Variants in PDXDC1 observed in about 807,000 individuals in gnomAD.
PDXDC1 encodes pyridoxal-dependent decarboxylase domain-containing protein 1.
In PDXDC1, 42 loss-of-function variants were observed where a neutral mutation model predicts 100.1. That is an observed-to-expected ratio of 0.42 (90% confidence interval 0.33 to 0.54). The LOEUF (loss-of-function observed/expected upper bound fraction) is 0.54. Among genes scored for constraint, PDXDC1 ranks in the 20% least tolerant of loss-of-function variants. PDXDC1 has a pLI of 0.10. For missense variants in PDXDC1, 636 were observed against 979.2 expected, an observed-to-expected ratio of 0.65 and a Z score of 4.68; for synonymous variants, 260 against 371.7, an observed-to-expected ratio of 0.70 and a Z score of 3.46.
At chr16:15,016,786 A>G (rs1318334267) in intron 9 of PDXDC1, among the ~76,000 whole-genome samples, 1 of 152,292 alleles carries the variant, frequency 6.6e-6, no homozygotes, top group African/African-American at 2.4e-5. Flanking sequence ...GGGCAGCCAG[A>G]GTAGCCCATA....
intron 14 of PDXDC1, among the ~76,000 whole-genome samples, chr16:15,028,396 C>CTA (rs1177829188): frequency 6.6e-6 from 1 of 152,296 alleles, no homozygotes; most frequent in Admixed American, 6.5e-5. Context: ...ACTTGTGACA[C>CTA]TAACAACCAC....
intron 21 of PDXDC1, among the ~76,000 whole-genome samples, chr16:15,034,769 T>G (rs2043298530): frequency 6.6e-6 from 1 of 152,042 alleles, no homozygotes; most frequent in African/African-American, 2.4e-5. Context: ...AGCTACCCAC[T>G]CTCCACAGCT....
intron 1 of PDXDC1, among the ~76,000 whole-genome samples, chr16:14,995,720 C>T (rs529291965): frequency 2.6e-5 from 4 of 152,398 alleles, no homozygotes; most frequent in African/African-American, 7.2e-5. Context: ...GGAATGGTAC[C>T]AGCTCCTCCT....
chr16:15,031,845 G>T lies in PDXDC1; in HGVS notation c.1510G>T (p.Glu504Ter), dbSNP rs2151638719. Residue 504 changes from glutamate to a stop codon, truncating the protein, a stop_gained, in exon 17 of 23, where the codon GAA becomes TAA. Coordinates refer to ENST00000396410, the MANE Select transcript of PDXDC1 (RefSeq NM_015027.4). LOFTEE classifies it high-confidence loss of function. Reference sequence around the variant, plus strand: ...GCGTGAAGAGTTCAAGCAGGAAGTGGAAGCAACAGCAGGTCTCCTATATGT... The same window carrying T: ...GCGTGAAGAGTTCAAGCAGGAAGTGTAAGCAACAGCAGGTCTCCTATATGT... ...QLREEFKQEV[E>*]ATAGLLYVDD... 1 of 1,614,058 alleles carries T rather than the reference G, an allele frequency of 6.2e-7. No individual in the cohort carries two copies. The highest frequency in any genetic ancestry group is 1.1e-5 in the South Asian group (1 of 91,066).
intron 1 of PDXDC1, chr16:14,990,006 C>T (rs1211413720): frequency 1.4e-6 from 2 of 1,476,596 alleles, no homozygotes; most frequent in African/African-American, 1.5e-5. Flanking sequence ...ACCCCAGGAC[C>T]AGGGAAGCAG....
rs2377164 is a variant in PDXDC1 at position 15,130,375 on chromosome 16, G to A, written c.1400-8504G>A. 4.4e-5 allele frequency: 69 copies of A among 1,573,124 alleles called. No homozygotes were observed. In the East Asian group the frequency reaches 5.7e-4, roughly 13 times the overall value. Reference sequence around the variant, plus strand: ...AAGTACTGGCACAGGGACGTGTACAGGCCCACGGACACCTCCAGCGCCGAC... The same window carrying A: ...AAGTACTGGCACAGGGACGTGTACAAGCCCACGGACACCTCCAGCGCCGAC... On this transcript the variant is annotated intron_variant, in intron 16 of 16. Transcript: ENST00000535621.
intron 8 of PDXDC1, among the ~76,000 whole-genome samples, chr16:15,012,567 A>G (rs1259116186): frequency 1.3e-5 from 2 of 152,272 alleles, no homozygotes; most frequent in African/African-American, 4.8e-5. Flanking sequence ...GAATGGAGAA[A>G]TTACAGGTGG....
the PDXDC1 span, among the ~76,000 whole-genome samples, chr16:15,150,488 A>C: frequency 6.6e-6 from 1 of 151,568 alleles, no homozygotes; most frequent in Non-Finnish European, 1.5e-5. Flanking sequence ...AACATGGTGA[A>C]ACCCCATCTC....
At chr16:15,042,584 A>C (rs957696761), downstream of PDXDC1, among the ~76,000 whole-genome samples, 2 of 152,154 alleles carry the variant, frequency 1.3e-5, no homozygotes, top group African/African-American at 4.8e-5. Context: ...CATAATTATT[A>C]TTCTGATGAC....
chr16:15,145,718 G>C, the PDXDC1 span, among the ~76,000 whole-genome samples: 1 of 152,264 alleles, frequency 6.6e-6, no homozygotes, highest in Admixed American at 6.5e-5. Flanking sequence ...TTCTGGGAAA[G>C]GGCGTGAGCT....
chr16:15,080,843 T>G (rs1021270102), intron 16 of PDXDC1, among the ~76,000 whole-genome samples: 1 of 151,036 alleles, frequency 6.6e-6, no homozygotes, highest in Non-Finnish European at 1.5e-5. Flanking sequence ...TGACATTTCA[T>G]ATAAATGGAG....
intron 16 of PDXDC1, among the ~76,000 whole-genome samples, chr16:15,101,254 T>C (rs563320717): frequency 6.6e-6 from 1 of 152,362 alleles, no homozygotes; most frequent in East Asian, 1.9e-4. Context: ...ATACTTGATG[T>C]GGTTACACTC....
intron 22 of PDXDC1, 34 bp from the exon 23 acceptor site, chr16:15,035,982 G>C (rs776209057): frequency 6.3e-7 from 1 of 1,580,080 alleles, no homozygotes; most frequent in South Asian, 1.2e-5. Context: ...TATCCTCACT[G>C]AGTTTCAGCG....
intron 16 of PDXDC1, among the ~76,000 whole-genome samples, chr16:15,079,416 G>A (rs2045603931): frequency 6.6e-6 from 1 of 152,114 alleles, no homozygotes; most frequent in African/African-American, 2.4e-5. Flanking sequence ...GATTCTATCA[G>A]GTTCTCTAAC....
At chr16:15,101,139 T>A (rs1425311356) in intron 16 of PDXDC1, among the ~76,000 whole-genome samples, 1 of 152,198 alleles carries the variant, frequency 6.6e-6, no homozygotes, top group Non-Finnish European at 1.5e-5. Context: ...TTAGAGCACA[T>A]AACCACAAAC....
At chr16:15,147,835 CCCA>C in the PDXDC1 span, among the ~76,000 whole-genome samples, 3 of 151,950 alleles carry the variant, frequency 2.0e-5, no homozygotes, top group Admixed American at 1.3e-4. Context: ...ATTACAGGCG[CCCA>C]CCACCACACC....
At chr16:14,986,797 A>C (rs1280020362) in intron 1 of PDXDC1, among the ~76,000 whole-genome samples, 1 of 152,288 alleles carries the variant, frequency 6.6e-6, no homozygotes, top group African/African-American at 2.4e-5. Context: ...CCCAGGCTAG[A>C]GTGCAGTGGC....
At chr16:14,986,720 T>G (rs1969459148) in intron 1 of PDXDC1, among the ~76,000 whole-genome samples, 1 of 152,298 alleles carries the variant, frequency 6.6e-6, no homozygotes, top group Non-Finnish European at 1.5e-5. Context: ...ATACCCACTC[T>G]GTAAATGCTT....
intron 16 of PDXDC1, chr16:15,085,668 T>C (rs1242373113): frequency 6.2e-7 from 1 of 1,613,652 alleles, no homozygotes; most frequent in Admixed American, 1.7e-5. Context: ...ATCTGAAACA[T>C]CTACATCGCC....
Sources: gnomAD v4.1 joint callset for allele counts (sites outside exome capture counted in the v4.1 genomes callset) on GRCh38, gnomAD v4.1.1 for gene constraint, MANE v1.5 for transcripts, NCBI Gene and HGNC (gene_info 2026-07-23, HGNC 2026-07-21) for gene names.